Variants in TAF4 observed in about 807,000 individuals in gnomAD.
The protein encoded by TAF4 is transcription initiation factor TFIID subunit 4.
TAF4 carries 9 observed loss-of-function variants against 90.3 expected under a neutral mutation model. The observed-to-expected ratio is 0.10, with a 90% CI of 0.06 to 0.17. TAF4 has a LOEUF of 0.17. Among genes scored for constraint, TAF4 ranks in the 10% least tolerant of loss-of-function variants. TAF4 has a pLI of 1.00. For missense variants in TAF4, 1,351 were observed against 1,370.7 expected (o/e 0.99, Z 0.23); for synonymous variants, 818 against 638.9 (o/e 1.28, Z -4.23).
intron 1 of TAF4, among the ~76,000 whole-genome samples, chr20:62,048,361 C>G (rs925047420): frequency 6.6e-6 from 1 of 152,164 alleles, no homozygotes; most frequent in Non-Finnish European, 1.5e-5. Flanking sequence ...CTGGGCATCC[C>G]GAGTGCAGAG....
chr20:62,052,172 G>T (rs1319039310), intron 1 of TAF4, among the ~76,000 whole-genome samples: 1 of 152,094 alleles, frequency 6.6e-6, no homozygotes, highest in Admixed American at 6.5e-5. Flanking sequence ...CAGGCTAAAT[G>T]ACAGTGGCCT....
chr20:62,029,150 C>T (rs966155516), intron 1 of TAF4, among the ~76,000 whole-genome samples: 2 of 150,156 alleles, frequency 1.3e-5, no homozygotes, highest in African/African-American at 4.9e-5. Flanking sequence ...GACCCAAGAT[C>T]GCGCCACTGC....
chr20:62,063,002 C>T (rs190521019), intron 1 of TAF4, among the ~76,000 whole-genome samples: 1 of 152,212 alleles, frequency 6.6e-6, no homozygotes, highest in Non-Finnish European at 1.5e-5. Context: ...TACTAAAGAT[C>T]AGCCACGTTT....
chr20:62,005,631 G>C (rs2144677), intron 7 of TAF4: 1 of 152,142 alleles, frequency 6.6e-6, no homozygotes, highest in African/African-American at 2.4e-5. Context: ...TTACACAGGC[G>C]CTCAGCCCTT....
At chr20:62,015,199 C>A (rs1333479813) in intron 1 of TAF4, among the ~76,000 whole-genome samples, 1 of 152,246 alleles carries the variant, frequency 6.6e-6, no homozygotes, top group Non-Finnish European at 1.5e-5. Context: ...GGCCACGAGG[C>A]TCCTCACCAG....
At position 62,064,946 on chromosome 20, in the gene TAF4, CGGCGGGGTGGCCG is replaced by C; in HGVS notation, c.852_864del (p.Gly285AspfsTer120). On this transcript the variant is annotated frameshift_variant, in exon 1 of 15. Coordinates refer to ENST00000252996, the MANE Select transcript of TAF4 (RefSeq NM_003185.4). LOFTEE classifies it high-confidence loss of function. ...ACGGCGGGCGCGGCGGTCGGGGGTC[CGGCGGGGTGGCCG>C]GGCGGCCGGGCCAGAGTGGCGGGCG... 2 of 491,196 alleles carry C rather than the reference CGGCGGGGTGGCCG, an allele frequency of 4.1e-6. No individual in the cohort carries two copies. The highest frequency in any genetic ancestry group is 5.0e-6 in the Non-Finnish European group (2 of 397,864). 30.4% of individuals were successfully genotyped at this position (491,196 alleles called of 1,614,324 possible).
chr20:62,003,840 C>T lies in TAF4; in HGVS notation c.2262G>A (p.Arg754=), dbSNP rs571866021. Reference sequence around the variant, plus strand: ...TCTGCGTCAACGTCACCTGCGGGGGCCGGATCAGGGCTCCTGGCTTCGGAG... The same window carrying T: ...TCTGCGTCAACGTCACCTGCGGGGGTCGGATCAGGGCTCCTGGCTTCGGAG... ...QQPPKPGALI[R]PPQVTLTQTP... The change falls in exon 8 of 15, where the codon CGG becomes CGA. Residue 754 remains arginine (R), a synonymous_variant. Transcript: ENST00000252996. 5.0e-6 allele frequency: 8 copies of T among 1,596,628 alleles called. No individual in the cohort carries two copies. The Admixed American group carries it at 8.7e-5, about 17-fold the overall frequency.
chr20:62,003,266 C>T lies in TAF4; in HGVS notation c.2380G>A (p.Val794Met), dbSNP rs766624960. 6.8e-6 allele frequency: 11 copies of T among 1,613,786 alleles called. No individual in the cohort carries two copies. The highest frequency in any genetic ancestry group is 9.3e-6 in the Non-Finnish European group (11 of 1,179,724). The change falls in exon 9 of 15, where the codon GTG becomes ATG. Residue 794 changes from valine (V) to methionine (M), a missense_variant. Physicochemically the swap from Val to Met is conservative, Grantham distance 21. This residue lies in a region of TAF4 where 202 missense variants were observed against 229.7 expected (regional missense o/e 0.88). Coordinates refer to ENST00000252996, the MANE Select transcript of TAF4 (RefSeq NM_003185.4). Reference sequence around the variant, plus strand: ...GTTCCAGGTAACACGGCGGGTTTCACCACAGGGACTACAAAACAAACACAC... The same window carrying T: ...GTTCCAGGTAACACGGCGGGTTTCATCACAGGGACTACAAAACAAACACAC... ...QLNPLQPVPVVKPAVLPGTKA... is the reference protein window; with the variant it reads ...QLNPLQPVPVMKPAVLPGTKA...
Position 62,003,271 on chromosome 20 carries a change from G to C in TAF4, c.2375C>G (p.Pro792Arg). 1.2e-6 allele frequency: 2 copies of C among 1,613,504 alleles called. No homozygotes were observed. The highest frequency in any genetic ancestry group is 1.3e-5 in the African/African-American group (1 of 75,002). The change falls in exon 9 of 15, where the codon CCT (proline) becomes CGT (arginine). Residue 792 changes from proline (P) to arginine (R), a missense_variant. By Grantham distance (103) the Pro-to-Arg change is moderately radical. Coordinates refer to ENST00000252996, the MANE Select transcript of TAF4 (RefSeq NM_003185.4). The stretch of plus-strand genomic sequence containing the variant: ...AGGTAACACGGCGGGTTTCACCACA[G>C]GGACTACAAAACAAACACACAGTGG... ...QIQLNPLQPV[P>R]VVKPAVLPGT...
chr20:62,012,782 C>A, intron 3 of TAF4, 33 bp downstream of exon 3: 1 of 1,588,548 alleles, frequency 6.3e-7, no homozygotes, highest in Non-Finnish European at 8.5e-7. Flanking sequence ...GTGGCCCCTG[C>A]AGCCTCAAGA....
rs200601665 is a variant in TAF4 at position 62,006,542 on chromosome 20, C to T, written c.2191G>A (p.Gly731Ser). Residue 731 changes from glycine to serine, a missense_variant, in exon 7 of 15, where the codon GGC becomes AGC. This residue lies in a region of TAF4 where 202 missense variants were observed against 229.7 expected (regional missense o/e 0.88). Transcript: ENST00000252996. This position sits in a 1 kb window ranked among gnomAD's most constrained non-coding sequence, Gnocchi z 7.0. ...VLSLTQPTQV[G>S]VGKQGQPTPL... ...GTGGGTTGCCCCTGCTTGCCGACGCCGACCTGCGTGGGCTGCGTGAGGCTG... is the reference window on the plus strand; with the variant it reads ...GTGGGTTGCCCCTGCTTGCCGACGCTGACCTGCGTGGGCTGCGTGAGGCTG... 30 of 1,555,444 alleles carry T rather than the reference C, an allele frequency of 1.9e-5. No homozygotes were observed. Among genetic ancestry groups the T allele is most frequent in the African/African-American group, 4.2e-5 (3 of 72,016 alleles).
chr20:61,994,242 G>C (rs945014825), intron 14 of TAF4, among the ~76,000 whole-genome samples: 1 of 152,230 alleles, frequency 6.6e-6, no homozygotes, highest in East Asian at 1.9e-4. Context: ...TACATTTTCA[G>C]CGTGGGCTGC....
intron 14 of TAF4, among the ~76,000 whole-genome samples, chr20:61,986,199 CATCAAAGGAAACACCATCCCCA>C (rs2055591527): frequency 4.8e-5 from 5 of 103,468 alleles, no homozygotes; most frequent in South Asian, 3.6e-4. Flanking sequence ...CACCATCCCC[CATCAAAGGAAACACCATCCCCA>C]ATCAAAGGAA....
At chr20:61,999,321 CA>C (rs1438820214) in intron 11 of TAF4, among the ~76,000 whole-genome samples, 1 of 152,228 alleles carries the variant, frequency 6.6e-6, no homozygotes, top group Non-Finnish European at 1.5e-5. Context: ...TTGGCTGTCT[CA>C]GGGGCACACT....
chr20:61,986,053 G>A (rs1359154480), intron 14 of TAF4, among the ~76,000 whole-genome samples: 2 of 118,856 alleles, frequency 1.7e-5, no homozygotes, highest in African/African-American at 6.1e-5. Context: ...CCCATCAAAG[G>A]AAACACCATC....
intron 14 of TAF4, among the ~76,000 whole-genome samples, chr20:61,987,051 A>G (rs918988725): frequency 6.6e-6 from 1 of 152,214 alleles, no homozygotes; most frequent in African/African-American, 2.4e-5. Context: ...GTAACCAGCC[A>G]ACCCCACCTT....
rs1479361355 is a variant in TAF4, at chr20:62,064,916, G to A, written c.895C>T (p.Pro299Ser). The change falls in exon 1 of 15, where the codon CCC becomes TCC. Residue 299 changes from proline to serine, a missense_variant. Physicochemically the swap from Pro to Ser is moderately conservative, Grantham distance 74. Around this residue, in one of 9 missense-constraint regions of TAF4, gnomAD observed 782 missense variants for 536.6 expected, o/e 1.46. Transcript: ENST00000252996. ...CCCCCGTTCTGGGCGGCGGCGGGGG[G>A]CGGCACGGCGGGCGCGGCGGTCGGG... ...GPPTAAPAVP[P>S]PAAAQNGGSA... The A allele has an allele frequency of 4.7e-6, 3 of 642,076 alleles. No individual in the cohort carries two copies. Among genetic ancestry groups the A allele is most frequent in the African/African-American group, 2.1e-5 (1 of 47,954 alleles). The allele number at this position is 642,076 out of a possible 1,614,324, so 39.8% of individuals were successfully genotyped here.
At chr20:61,996,168 T>C (rs1408459688) in intron 14 of TAF4, among the ~76,000 whole-genome samples, 1 of 152,128 alleles carries the variant, frequency 6.6e-6, no homozygotes, top group Admixed American at 6.5e-5. Context: ...TTAAAAATTA[T>C]AGCAGGACCA....
intron 1 of TAF4, 57 bp from the exon 2 acceptor site, chr20:62,014,764 G>T: frequency 1.3e-6 from 2 of 1,581,710 alleles, no homozygotes. Flanking sequence ...CCATGAGGAG[G>T]CCCTGGCCTG....
Sources: gnomAD v4.1 joint callset for allele counts (sites outside exome capture counted in the v4.1 genomes callset) on GRCh38, gnomAD v4.1.1 for gene constraint, gnomAD v4.1.1 regional missense constraint, Gnocchi (gnomAD v3.1) non-coding constraint, MANE v1.5 for transcripts, NCBI Gene and HGNC (gene_info 2026-07-23, HGNC 2026-07-21) for gene names.